Variants in FLT1 observed in about 807,000 individuals in gnomAD.
FLT1 encodes the protein fms related receptor tyrosine kinase 1, also known as vascular endothelial growth factor receptor 1.
FLT1 carries 49 observed loss-of-function variants against 156.3 expected under a neutral mutation model. That is an observed-to-expected ratio of 0.31 (90% CI 0.25 to 0.40). The LOEUF (loss-of-function observed/expected upper bound fraction) is 0.40, where lower values mean the gene tolerates loss of function less well. Ranked by LOEUF, FLT1 falls within the 10% of genes least tolerant of loss-of-function variation. The pLI, the probability that FLT1 is intolerant of heterozygous loss-of-function variation, is 1.00. For missense variants in FLT1, 1,322 were observed against 1,637.2 expected, an observed-to-expected ratio of 0.81 and a Z score of 3.32; for synonymous variants, 594 against 583.8, an observed-to-expected ratio of 1.02 and a Z score of -0.25.
intron 13 of FLT1, chr13:28,386,433 T>A: frequency 3.8e-6 from 4 of 1,041,478 alleles, no homozygotes; most frequent in Non-Finnish European, 4.6e-6. Flanking sequence ...ATCATTAGTC[T>A]TCTCATTTTA....
chr13:28,431,355 T>G, intron 6 of FLT1, 45 bp from the exon 7 acceptor site: 1 of 1,356,622 alleles, frequency 7.4e-7, no homozygotes, highest in South Asian at 1.2e-5. Context: ...TGAGTGTTCA[T>G]GCTTAAAGTT....
At chr13:28,330,089 G>A (rs985260234) in intron 18 of FLT1, among the ~76,000 whole-genome samples, 4 of 152,250 alleles carry the variant, frequency 2.6e-5, no homozygotes, top group Non-Finnish European at 5.9e-5. Flanking sequence ...CAGGCAGGGA[G>A]TACACCTCCA....
At chr13:28,448,185 G>A (rs1411809491) in intron 3 of FLT1, among the ~76,000 whole-genome samples, 1 of 152,194 alleles carries the variant, frequency 6.6e-6, no homozygotes, top group African/African-American at 2.4e-5. Context: ...CACCCACTTT[G>A]GAAAGCAGTC....
Position 28,301,339 on chromosome 13 carries a change from T to C in FLT1, c.*1828A>G, listed in dbSNP as rs1870508752. On this transcript the variant is annotated 3_prime_UTR_variant, in exon 30 of 30. Coordinates refer to ENST00000282397, the MANE Select transcript of FLT1 (RefSeq NM_002019.4). ...CTCTTCTGGCTCTAGCCTGCTTTTG[T>C]TTGGATTTAGATCTTGGTGGAGAGG... 1 of 233,000 alleles carries C rather than the reference T, an allele frequency of 4.3e-6. No homozygotes were observed. The highest frequency in any genetic ancestry group is 8.5e-6 in the Non-Finnish European group (1 of 117,970). The allele number at this position is 233,000 out of a possible 1,614,324, so 14.4% of individuals were successfully genotyped here.
chr13:28,416,353 T>C (rs1323494351), intron 10 of FLT1, among the ~76,000 whole-genome samples: 5 of 152,232 alleles, frequency 3.3e-5, no homozygotes, highest in African/African-American at 1.2e-4. Flanking sequence ...CTACTGGTTT[T>C]CAGGATCGTG....
At chr13:28,336,742 C>CTTTTT (rs548520953) in intron 17 of FLT1, among the ~76,000 whole-genome samples, 1 of 130,212 alleles carries the variant, frequency 7.7e-6, no homozygotes, top group African/African-American at 2.9e-5. Flanking sequence ...ATTATTCTAA[C>CTTTTT]TTTTTTTTTT....
intron 1 of FLT1, among the ~76,000 whole-genome samples, chr13:28,479,391 G>A (rs1387765680): frequency 6.6e-6 from 1 of 152,078 alleles, no homozygotes; most frequent in Non-Finnish European, 1.5e-5. Context: ...TCGGAAATGG[G>A]GTGGACATGT....
Position 28,427,331 on chromosome 13 carries a change from T to C in FLT1, c.1277-13A>G, listed in dbSNP as rs781177351. ...ATCTGGGGTTTCACTGGAAAGGAGATGAAGAACGGGACAGAAGTCAAGAGC... is the reference window on the plus strand; with the variant it reads ...ATCTGGGGTTTCACTGGAAAGGAGACGAAGAACGGGACAGAAGTCAAGAGC... On this transcript the variant is annotated splice_polypyrimidine_tract_variant and intron_variant, in intron 9 of 29. Coordinates refer to ENST00000282397, the MANE Select transcript of FLT1 (RefSeq NM_002019.4). 1 of 1,613,710 alleles carries C rather than the reference T, an allele frequency of 6.2e-7. No homozygotes were observed. Among genetic ancestry groups the C allele is most frequent in the Non-Finnish European group, 8.5e-7 (1 of 1,179,756 alleles).
chr13:28,427,387 T>C, intron 9 of FLT1, 69 bp from the exon 10 acceptor site: 3 of 1,393,834 alleles, frequency 2.2e-6, no homozygotes, highest in South Asian at 1.2e-5. Context: ...GGGCCACACA[T>C]GAAGGACCAC....
chr13:28,319,749 G>A (rs1344963584), intron 23 of FLT1, among the ~76,000 whole-genome samples: 7 of 152,216 alleles, frequency 4.6e-5, no homozygotes, highest in Non-Finnish European at 2.9e-5. Flanking sequence ...GGCAGTATAT[G>A]TTCAGTAAGC....
intron 12 of FLT1, among the ~76,000 whole-genome samples, chr13:28,395,872 T>C (rs1875013783): frequency 6.6e-6 from 1 of 152,256 alleles, no homozygotes; most frequent in African/African-American, 2.4e-5. Context: ...TACAAAGTTA[T>C]TGAATGTTCA....
intron 10 of FLT1, among the ~76,000 whole-genome samples, chr13:28,417,133 C>G (rs1053164460): frequency 3.3e-5 from 5 of 152,188 alleles, no homozygotes; most frequent in African/African-American, 4.8e-5. Flanking sequence ...AGCAGAACAT[C>G]CAGGCACTAG....
rs148482593 is a variant in FLT1, at chr13:28,337,812, G to A, written c.2488+1356C>T. Among the ~76,000 whole-genome samples, 165 of 152,324 alleles carry A rather than the reference G, an allele frequency of 1.1e-3. No homozygotes were observed. In the East Asian group the frequency reaches 0.028, roughly 25 times the overall value. Reference sequence around the variant, plus strand: ...TGAAGCGATGGGACAGAAAGCTCATGTGTCCTATACTGGAAGAAGCATGTT... The same window carrying A: ...TGAAGCGATGGGACAGAAAGCTCATATGTCCTATACTGGAAGAAGCATGTT... On this transcript the variant is annotated intron_variant, in intron 17 of 29. Coordinates refer to ENST00000282397, the MANE Select transcript of FLT1 (RefSeq NM_002019.4).
At chr13:28,336,074 TCTC>T (rs1872105302) in intron 17 of FLT1, among the ~76,000 whole-genome samples, 1 of 152,204 alleles carries the variant, frequency 6.6e-6, no homozygotes, top group African/African-American at 2.4e-5. Flanking sequence ...CCAGATCTTT[TCTC>T]CTTACACACC....
At chr13:28,339,123 A>G (rs371274591) in intron 17 of FLT1, 45 bp downstream of exon 17, 120 of 1,577,650 alleles carry the variant, frequency 7.6e-5, no homozygotes, top group Admixed American at 2.2e-4. Context: ...TTCATGTAAT[A>G]TGTGCTCAGT....
intron 13 of FLT1, 32 bp from the exon 14 acceptor site, chr13:28,385,063 T>A: frequency 1.2e-6 from 2 of 1,612,154 alleles, no homozygotes; most frequent in South Asian, 2.2e-5. Flanking sequence ...CTGTGATTAC[T>A]CGTCAACTTT....
chr13:28,447,276 G>A lies in FLT1; in HGVS notation c.389-8931C>T, dbSNP rs868203117. ...TCACTGCAGCTTCAACATCCCAGGC[G>A]CAAGTGATGCCCCCACCTCAGCCTC... On this transcript the variant is annotated intron_variant, in intron 3 of 29. Transcript: ENST00000282397. 5.9e-5 allele frequency among the ~76,000 whole-genome samples: 9 copies of A among 151,600 alleles called. No homozygotes were observed. The South Asian group carries it at 6.2e-4, about 10-fold the overall frequency.
intron 1 of FLT1, among the ~76,000 whole-genome samples, chr13:28,480,836 T>C (rs2137654320): frequency 6.6e-6 from 1 of 152,360 alleles, no homozygotes; most frequent in African/African-American, 2.4e-5. Context: ...AATCATACTT[T>C]AGATACATAC....
At chr13:28,391,831 G>T (rs1301010195) in intron 12 of FLT1, among the ~76,000 whole-genome samples, 1 of 152,098 alleles carries the variant, frequency 6.6e-6, no homozygotes, top group African/African-American at 2.4e-5. Context: ...TATCATTTTG[G>T]CCCAGTCTCA....
Sources: allele counts gnomAD v4.1 joint callset (sites outside exome capture counted in the v4.1 genomes callset), GRCh38; gene constraint gnomAD v4.1.1; transcripts MANE v1.5; gene names NCBI Gene and HGNC (gene_info 2026-07-23, HGNC 2026-07-21).